The following SP140L variants were observed in gnomAD, a reference collection of about 807,000 sequenced individuals.
SP140L encodes nuclear body protein SP140-like protein.
A neutral mutation model predicts 84.3 loss-of-function variants in SP140L; 64 were observed. The observed-to-expected ratio is 0.76, with a 90% CI of 0.62 to 0.94. The LOEUF is 0.94. Ranked by LOEUF, SP140L falls within the 40% of genes least tolerant of loss-of-function variation. The pLI, the probability that SP140L is intolerant of heterozygous loss-of-function variation, is 0.00. For missense variants in SP140L, 628 were observed against 692.5 expected (o/e 0.91, Z 1.05); for synonymous variants, 242 against 236.9 (o/e 1.02, Z -0.20).
rs779556643 is a variant in SP140L at position 230,400,198 on chromosome 2, A to C, written c.1269A>C (p.Arg423Ser). 1 of 1,614,176 alleles carries C rather than the reference A, an allele frequency of 6.2e-7. No homozygotes were observed. Among genetic ancestry groups the C allele is most frequent in the South Asian group, 1.1e-5 (1 of 91,082 alleles). ...TGTTCTGTTGCGACACTTGTTCAAG[A>C]GTCTTCCATGAGGACTGCCACATCC... ...GELFCCDTCSRVFHEDCHIPP... is the reference protein window; with the variant it reads ...GELFCCDTCSSVFHEDCHIPP... Residue 423 changes from arginine to serine, a missense_variant, in exon 15 of 19, where the codon AGA (arginine) becomes AGC (serine). Transcript: ENST00000415673.
chr2:230,362,006 G>A (rs778019713), intron 5 of SP140L, among the ~76,000 whole-genome samples: 1 of 152,230 alleles, frequency 6.6e-6, no homozygotes, highest in Non-Finnish European at 1.5e-5. Context: ...TGGGAGGTCA[G>A]TATGAAGCTG....
chr2:230,362,062 G>A (rs545255259), intron 5 of SP140L, among the ~76,000 whole-genome samples: 23 of 152,282 alleles, frequency 1.5e-4, no homozygotes, highest in Non-Finnish European at 2.8e-4. Flanking sequence ...CAACATCAAA[G>A]AGGAGACCCT....
At chr2:230,381,502 G>A (rs7565613) in intron 7 of SP140L, among the ~76,000 whole-genome samples, 72,882 of 151,930 alleles carry the variant, frequency 0.48, 18,130 homozygotes, top group South Asian at 0.66. Context: ...TACCCCATCA[G>A]CCACTCTGAT....
chr2:230,363,336 G>A (rs1007256547), intron 5 of SP140L, among the ~76,000 whole-genome samples: 3 of 152,018 alleles, frequency 2.0e-5, no homozygotes, highest in Non-Finnish European at 4.4e-5. Flanking sequence ...ATCATCTTTA[G>A]TCTTTTTGAT....
chr2:230,336,528 A>C (rs1039663584), intron 2 of SP140L, among the ~76,000 whole-genome samples: 1 of 152,218 alleles, frequency 6.6e-6, no homozygotes, highest in Admixed American at 6.5e-5. Context: ...AAGCACTTAG[A>C]AGAGTGAGTA....
chr2:230,375,068 T>C (rs1377102641), intron 7 of SP140L, among the ~76,000 whole-genome samples: 2 of 151,646 alleles, frequency 1.3e-5, no homozygotes, highest in Non-Finnish European at 2.9e-5. Flanking sequence ...TTTACAAATA[T>C]ATTATCCTCC....
chr2:230,328,030 T>C (rs2149664806), intron 1 of SP140L, among the ~76,000 whole-genome samples: 1 of 152,312 alleles, frequency 6.6e-6, no homozygotes, highest in East Asian at 1.9e-4. Flanking sequence ...TAGTAACGAG[T>C]TTATAAATAA....
At chr2:230,333,925 T>G (rs1228426321) in intron 2 of SP140L, among the ~76,000 whole-genome samples, 1 of 152,218 alleles carries the variant, frequency 6.6e-6, no homozygotes, top group African/African-American at 2.4e-5. Context: ...ATCTTGTTGT[T>G]GTTGTTTCAA....
At chr2:230,385,851 C>T (rs377042847) in intron 9 of SP140L, among the ~76,000 whole-genome samples, 73 of 152,314 alleles carry the variant, frequency 4.8e-4, no homozygotes, top group African/African-American at 1.4e-3. Flanking sequence ...GGTGACATGG[C>T]CAGTGTCTTC....
At chr2:230,347,174 G>A (rs1022533629) in intron 2 of SP140L, among the ~76,000 whole-genome samples, 17 of 152,084 alleles carry the variant, frequency 1.1e-4, no homozygotes, top group East Asian at 5.8e-4. Context: ...CCACTGGCTC[G>A]CCTGTATGGT....
chr2:230,399,382 T>G (rs1431252868), intron 14 of SP140L, among the ~76,000 whole-genome samples: 2 of 152,208 alleles, frequency 1.3e-5, no homozygotes, highest in African/African-American at 4.8e-5. Flanking sequence ...CACCAGCTCT[T>G]TTATGGGCCC....
At chr2:230,329,813 GC>G (rs1482418785) in intron 2 of SP140L, among the ~76,000 whole-genome samples, 1 of 152,118 alleles carries the variant, frequency 6.6e-6, no homozygotes, top group Non-Finnish European at 1.5e-5. Context: ...AATACATCTA[GC>G]TTTCAGTAGA....
chr2:230,372,986 A>G (rs1227382508), intron 7 of SP140L, among the ~76,000 whole-genome samples: 2 of 152,216 alleles, frequency 1.3e-5, no homozygotes, highest in Non-Finnish European at 1.5e-5. Flanking sequence ...AGTGGTCTGG[A>G]TGAAAGATCA....
At chr2:230,385,075 TCAA>T (rs984667468) in intron 8 of SP140L, 146 bp from the exon 9 acceptor site, 3 of 649,280 alleles carry the variant, frequency 4.6e-6, no homozygotes, top group Non-Finnish European at 5.4e-6. Flanking sequence ...AATTTAGAAG[TCAA>T]CACTCCCCAA....
At chr2:230,357,410 G>T (rs1231396657) in intron 2 of SP140L, among the ~76,000 whole-genome samples, 1 of 152,088 alleles carries the variant, frequency 6.6e-6, no homozygotes, top group African/African-American at 2.4e-5. Context: ...TGATTAAGCT[G>T]CATTTTCAAG....
intron 2 of SP140L, among the ~76,000 whole-genome samples, chr2:230,336,669 A>G (rs1575431267): frequency 6.6e-6 from 1 of 152,210 alleles, no homozygotes; most frequent in Non-Finnish European, 1.5e-5. Flanking sequence ...ACTTGATTTA[A>G]TTTTGACTTA....
At chr2:230,390,801 T>C (rs2061769550) in intron 11 of SP140L, among the ~76,000 whole-genome samples, 1 of 152,188 alleles carries the variant, frequency 6.6e-6, no homozygotes, top group Admixed American at 6.5e-5. Flanking sequence ...TTCACAGGAT[T>C]GTACAGCCAT....
chr2:230,361,423 C>A (rs930205427), intron 4 of SP140L, among the ~76,000 whole-genome samples, 191 bp from the exon 5 acceptor site: 4 of 152,116 alleles, frequency 2.6e-5, no homozygotes, highest in African/African-American at 9.7e-5. Context: ...CTTGAGTATC[C>A]CCTTTCTGTG....
intron 2 of SP140L, among the ~76,000 whole-genome samples, chr2:230,329,147 A>G (rs1231169081): frequency 6.6e-6 from 1 of 152,226 alleles, no homozygotes; most frequent in Non-Finnish European, 1.5e-5. Flanking sequence ...CACCCTCATT[A>G]TAAATAGTGA....
Sources: gnomAD v4.1 joint callset for allele counts (sites outside exome capture counted in the v4.1 genomes callset) on GRCh38, gnomAD v4.1.1 for gene constraint, MANE v1.5 for transcripts, NCBI Gene and HGNC (gene_info 2026-07-23, HGNC 2026-07-21) for gene names.